NDFIP2: variants seen among roughly 807,000 people sequenced by gnomAD.
NDFIP2 encodes Nedd4 family interacting protein 2.
NDFIP2 carries 19 observed loss-of-function variants against 36.0 expected under a neutral mutation model. The ratio of observed to expected loss-of-function variants is 0.53; its 90% CI spans 0.37 to 0.77. NDFIP2 has a LOEUF of 0.77. NDFIP2 is among the 30% of genes least tolerant of loss of function. NDFIP2 has a pLI of 0.00. For missense variants in NDFIP2, 446 were observed against 435.8 expected (o/e 1.02, Z -0.21); for synonymous variants, 181 against 167.7 (o/e 1.08, Z -0.61).
rs973978788 is a variant in NDFIP2, at chr13:79,552,833, A to G, written c.*320A>G. The G allele has an allele frequency of 2.0e-5, 3 of 151,936 alleles. No homozygotes were observed. The allele number at this position is 151,936 out of a possible 1,614,324, so 9.4% of individuals were successfully genotyped here. A position where few individuals can be genotyped will look rare whatever the true frequency, so the allele number is the denominator to read the frequency against. On this transcript the variant is annotated 3_prime_UTR_variant, in exon 8 of 8. Transcript: ENST00000218652. ...AATCAGTGTTTGATATAATTGAAAG[A>G]GTTGAGTGGATAAACAGTCTTCCAG...
chr13:79,491,556 A>G (rs908978924), intron 1 of NDFIP2, among the ~76,000 whole-genome samples: 6 of 152,118 alleles, frequency 3.9e-5, no homozygotes, highest in African/African-American at 1.2e-4. Flanking sequence ...TCTTTTTTAT[A>G]TTGATTACTT....
rs1166277403 is a variant in NDFIP2 at position 79,514,049 on chromosome 13, T to G, written c.322-6761T>G. On this transcript the variant is annotated intron_variant, in intron 1 of 7. Coordinates refer to ENST00000218652, the MANE Select transcript of NDFIP2 (RefSeq NM_019080.3). ...ACATGAAAAGGAATTTGACCAGAGT[T>G]GTGATTCTTTTTTAAATAGAAATTT... is the stretch of plus-strand genomic sequence containing the variant. 2.0e-5 allele frequency among the ~76,000 whole-genome samples: 3 copies of G among 152,204 alleles called. No homozygotes were observed. In the East Asian group the frequency reaches 5.8e-4, roughly 29 times the overall value.
At position 79,510,998 on chromosome 13, in the gene NDFIP2, CA is replaced by C. The variant is rs11425903; in HGVS notation, c.322-9794del. Among the ~76,000 whole-genome samples the C allele has an allele frequency of 5.8e-3, 550 of 95,326 alleles. 3 individuals carry two copies. Among genetic ancestry groups the C allele is most frequent in the African/African-American group, 0.02 (442 of 22,656 alleles). The allele number at this position is 95,326 out of a possible 152,430, so 62.5% of individuals were successfully genotyped here. On this transcript the variant is annotated intron_variant, in intron 1 of 7. Transcript: ENST00000218652. ...TGGGTGACAGAGCGAGACTCTGTCTCAAAAAAAAAAAAAAAAAAGGTGGCCT... is the reference window on the plus strand; with the variant it reads ...TGGGTGACAGAGCGAGACTCTGTCTCAAAAAAAAAAAAAAAAAGGTGGCCT...
At chr13:79,501,949 C>T (rs1487491984) in intron 1 of NDFIP2, among the ~76,000 whole-genome samples, 6 of 152,074 alleles carry the variant, frequency 3.9e-5, no homozygotes. Context: ...TGAAGTCATA[C>T]TTACTATGGC....
At chr13:79,486,923 A>G (rs1183295561) in intron 1 of NDFIP2, among the ~76,000 whole-genome samples, 1 of 152,194 alleles carries the variant, frequency 6.6e-6, no homozygotes, top group Non-Finnish European at 1.5e-5. Context: ...AGTAGGCTAT[A>G]TATACCATCT....
intron 1 of NDFIP2, among the ~76,000 whole-genome samples, chr13:79,516,009 G>A (rs1270837053): frequency 6.6e-6 from 1 of 151,510 alleles, no homozygotes; most frequent in Non-Finnish European, 1.5e-5. Flanking sequence ...ATTCCACTGA[G>A]GACAAGAGGT....
chr13:79,546,989 G>C (rs908171180), intron 5 of NDFIP2, among the ~76,000 whole-genome samples: 2 of 151,802 alleles, frequency 1.3e-5, no homozygotes, highest in African/African-American at 4.8e-5. Flanking sequence ...AGGTGTACAT[G>C]GGATTTATGT....
intron 1 of NDFIP2, among the ~76,000 whole-genome samples, chr13:79,508,717 C>CT (rs1873963058): frequency 6.6e-6 from 1 of 152,212 alleles, no homozygotes; most frequent in African/African-American, 2.4e-5. Context: ...CCTTTTATCT[C>CT]ATCCTGTGAC....
intron 1 of NDFIP2, among the ~76,000 whole-genome samples, chr13:79,497,082 G>T (rs1295895050): frequency 2.6e-5 from 4 of 151,884 alleles, no homozygotes; most frequent in Non-Finnish European, 4.4e-5. Context: ...AGTAATTTTT[G>T]ATTTTATTCT....
chr13:79,487,000 A>G (rs1224908116), intron 1 of NDFIP2, among the ~76,000 whole-genome samples: 4 of 152,184 alleles, frequency 2.6e-5, no homozygotes, highest in South Asian at 2.1e-4. Flanking sequence ...CCCCACCCTC[A>G]TGACGTCATC....
At chr13:79,548,742 G>T (rs1193474187) in intron 6 of NDFIP2, among the ~76,000 whole-genome samples, 1 of 151,910 alleles carries the variant, frequency 6.6e-6, no homozygotes, top group Non-Finnish European at 1.5e-5. Context: ...GGATAGTTTG[G>T]TTGTTCTATC....
chr13:79,485,150 G>T lies in NDFIP2; in HGVS notation c.321+3626G>T, dbSNP rs138828505. ...AGGGGCTGGGTGTCCATATGGATTC[G>T]TGCAGTGGGTTTGCATCACAGCTGA... On this transcript the variant is annotated intron_variant, in intron 1 of 7. Coordinates refer to ENST00000218652, the MANE Select transcript of NDFIP2 (RefSeq NM_019080.3). Among the ~76,000 whole-genome samples the T allele has an allele frequency of 1.9e-3, 295 of 152,202 alleles. 2 individuals carry two copies. The highest frequency in any genetic ancestry group is 3.6e-3 in the Non-Finnish European group (247 of 68,014).
At chr13:79,521,460 T>C (rs1348849753) in intron 2 of NDFIP2, among the ~76,000 whole-genome samples, 1 of 152,246 alleles carries the variant, frequency 6.6e-6, no homozygotes, top group Admixed American at 6.5e-5. Context: ...TTTAATTTTA[T>C]ATGTGATTAT....
chr13:79,527,209 T>C (rs1287851660), intron 2 of NDFIP2, among the ~76,000 whole-genome samples: 7 of 152,300 alleles, frequency 4.6e-5, no homozygotes, highest in African/African-American at 1.7e-4. Context: ...AGGGGAATCA[T>C]TAAATACATT....
chr13:79,497,795 G>GTGT (rs1555356394), intron 1 of NDFIP2, among the ~76,000 whole-genome samples: 190 of 128,990 alleles, frequency 1.5e-3, no homozygotes, highest in Middle Eastern at 3.7e-3. Flanking sequence ...ATCTGTGGGG[G>GTGT]GTGTGTGTGT....
chr13:79,486,651 A>G (rs1360115467), intron 1 of NDFIP2, among the ~76,000 whole-genome samples: 1 of 152,226 alleles, frequency 6.6e-6, no homozygotes, highest in Non-Finnish European at 1.5e-5. Context: ...GAGATCAGCA[A>G]ACTGTGGTCC....
At chr13:79,526,017 A>G (rs1874781567) in intron 2 of NDFIP2, among the ~76,000 whole-genome samples, 1 of 152,184 alleles carries the variant, frequency 6.6e-6, no homozygotes, top group Non-Finnish European at 1.5e-5. Flanking sequence ...AATATTAGTG[A>G]GATCTATAAC....
intron 1 of NDFIP2, among the ~76,000 whole-genome samples, chr13:79,502,927 A>C (rs1330128615): frequency 1.3e-5 from 2 of 151,554 alleles, no homozygotes; most frequent in Non-Finnish European, 2.9e-5. Context: ...GTGTGAATAG[A>C]ATATACACGT....
chr13:79,514,311 A>G (rs1594848742), intron 1 of NDFIP2, among the ~76,000 whole-genome samples: 1 of 152,174 alleles, frequency 6.6e-6, no homozygotes, highest in African/African-American at 2.4e-5. Flanking sequence ...CTGGTGACCT[A>G]TATTATATTT....
Sources: gnomAD v4.1 joint callset for allele counts (sites outside exome capture counted in the v4.1 genomes callset) on GRCh38, gnomAD v4.1.1 for gene constraint, MANE v1.5 for transcripts, NCBI Gene and HGNC (gene_info 2026-07-23, HGNC 2026-07-21) for gene names.